Variants in NBAS observed in about 807,000 individuals in gnomAD.
NBAS encodes NBAS subunit of NRZ tethering complex, also known as NAG/BC035112 fusion.
In NBAS, 219 loss-of-function variants were observed where a neutral mutation model predicts 302.5. The ratio of observed to expected loss-of-function variants is 0.72; its 90% confidence interval spans 0.65 to 0.81. The LOEUF (loss-of-function observed/expected upper bound fraction) is 0.81. Ranked by LOEUF, NBAS falls within the 30% of genes least tolerant of loss-of-function variation. NBAS has a pLI of 0.00. For synonymous variants in NBAS, 1,118 were observed against 1,021.6 expected (o/e 1.09, Z -1.80); for missense variants, 2,932 against 2,841.6 (o/e 1.03, Z -0.72).
chr2:15,013,180 C>G, the NBAS span, among the ~76,000 whole-genome samples: 7 of 152,298 alleles, frequency 4.6e-5, no homozygotes, highest in South Asian at 1.0e-3. Flanking sequence ...TTTATCACAA[C>G]TAGTCTGGCC....
the NBAS span, among the ~76,000 whole-genome samples, chr2:14,779,502 C>T: frequency 6.6e-6 from 1 of 152,184 alleles, no homozygotes; most frequent in Non-Finnish European, 1.5e-5. Flanking sequence ...CTCCACCCTG[C>T]AAACTGGCTC....
At chr2:15,287,710 ATAGGCATCCCAGGAATCCCCAGG>A (rs975680578) in intron 41 of NBAS, among the ~76,000 whole-genome samples, 2 of 150,506 alleles carry the variant, frequency 1.3e-5, no homozygotes, top group African/African-American at 4.9e-5. Context: ...GACATCCCGC[ATAGGCATCCCAGGAATCCCCAGG>A]TAGGCATCCC....
chr2:15,283,290 T>C (rs1191609537), intron 42 of NBAS, among the ~76,000 whole-genome samples: 2 of 152,136 alleles, frequency 1.3e-5, no homozygotes, highest in African/African-American at 4.8e-5. Flanking sequence ...ACACAAATAA[T>C]CATAATAGCC....
the NBAS span, among the ~76,000 whole-genome samples, chr2:15,044,177 T>C: frequency 6.6e-6 from 1 of 152,242 alleles, no homozygotes; most frequent in Non-Finnish European, 1.5e-5. Context: ...TCCCCAGTTG[T>C]GCTTCCAATT....
chr2:15,166,057 G>T (rs1396423042), downstream of NBAS, among the ~76,000 whole-genome samples: 3 of 151,470 alleles, frequency 2.0e-5, no homozygotes, highest in Non-Finnish European at 4.4e-5. Flanking sequence ...GTGAGTCTCA[G>T]GGGGGGCGAA....
chr2:15,473,822 G>A (rs1400878459), intron 15 of NBAS, among the ~76,000 whole-genome samples: 1 of 152,154 alleles, frequency 6.6e-6, no homozygotes, highest in African/African-American at 2.4e-5. Flanking sequence ...GCAAAGAAAT[G>A]AGCTAAGCCA....
chr2:15,397,178 A>C (rs957577800), intron 26 of NBAS, among the ~76,000 whole-genome samples: 1 of 152,208 alleles, frequency 6.6e-6, no homozygotes, highest in African/African-American at 2.4e-5. Context: ...CATATGTGCA[A>C]GTGAATACAG....
the NBAS span, among the ~76,000 whole-genome samples, chr2:15,044,020 G>A: frequency 6.6e-6 from 1 of 152,168 alleles, no homozygotes; most frequent in African/African-American, 2.4e-5. Flanking sequence ...CTGATTGACT[G>A]GATGGATAAA....
At chr2:15,099,309 C>T in the NBAS span, among the ~76,000 whole-genome samples, 2 of 151,768 alleles carry the variant, frequency 1.3e-5, no homozygotes, top group Non-Finnish European at 2.9e-5. Context: ...CCCGCCGACC[C>T]CCAAAAAAAA....
At chr2:15,424,770 A>T (rs1677386469) in intron 22 of NBAS, among the ~76,000 whole-genome samples, 1 of 152,208 alleles carries the variant, frequency 6.6e-6, no homozygotes, top group East Asian at 1.9e-4. Context: ...TCACCGAGGG[A>T]AGCTTTTACA....
chr2:15,205,796 G>A (rs1482196975), intron 48 of NBAS, among the ~76,000 whole-genome samples: 2 of 152,118 alleles, frequency 1.3e-5, no homozygotes, highest in Non-Finnish European at 2.9e-5. Context: ...TCTCTCTCCT[G>A]CTGCCTTCTG....
the NBAS span, among the ~76,000 whole-genome samples, chr2:14,954,324 G>A: frequency 3.9e-5 from 6 of 152,164 alleles, no homozygotes; most frequent in South Asian, 1.2e-3. Flanking sequence ...GATGCAGGAT[G>A]CCTGCACGGG....
chr2:15,549,222 GA>G, intron 6 of NBAS, among the ~76,000 whole-genome samples: 1 of 152,130 alleles, frequency 6.6e-6, no homozygotes, highest in Non-Finnish European at 1.5e-5. Context: ...GAGGTTACCA[GA>G]AATCTAGAAA....
the NBAS span, among the ~76,000 whole-genome samples, chr2:14,888,575 A>G: frequency 6.6e-6 from 1 of 152,232 alleles, no homozygotes; most frequent in Non-Finnish European, 1.5e-5. Flanking sequence ...GTTGAAGAAA[A>G]TAAGTATTAT....
chr2:14,878,295 G>T, the NBAS span, among the ~76,000 whole-genome samples: 1 of 152,198 alleles, frequency 6.6e-6, no homozygotes, highest in Non-Finnish European at 1.5e-5. Context: ...AGAGGGAGTT[G>T]AACTGCAACG....
the NBAS span, among the ~76,000 whole-genome samples, chr2:14,837,663 T>G: frequency 6.6e-6 from 1 of 151,778 alleles, no homozygotes; most frequent in Non-Finnish European, 1.5e-5. Context: ...AATACTTAAC[T>G]CCATTGAAAT....
chr2:14,994,364 C>T, the NBAS span, among the ~76,000 whole-genome samples: 6 of 152,322 alleles, frequency 3.9e-5, no homozygotes, highest in South Asian at 2.1e-4. Flanking sequence ...GGTAGAATTA[C>T]ATTCACTGCT....
At chr2:15,344,416 A>G (rs1472753340) in intron 35 of NBAS, among the ~76,000 whole-genome samples, 2 of 152,206 alleles carry the variant, frequency 1.3e-5, no homozygotes, top group African/African-American at 2.4e-5. Context: ...GAAGAAATGG[A>G]TAATTTCCTG....
chr2:15,350,983 T>C (rs1293303474), intron 35 of NBAS, among the ~76,000 whole-genome samples: 2 of 152,218 alleles, frequency 1.3e-5, no homozygotes, highest in African/African-American at 4.8e-5. Flanking sequence ...TTTCCAGTGC[T>C]ACATATATGC....
Sources: allele counts gnomAD v4.1 joint callset (sites outside exome capture counted in the v4.1 genomes callset), GRCh38; gene constraint gnomAD v4.1.1; transcripts MANE v1.5; gene names NCBI Gene and HGNC (gene_info 2026-07-23, HGNC 2026-07-21).